DTX2: variants seen among roughly 807,000 people sequenced by gnomAD.
DTX2 encodes the protein deltex E3 ubiquitin ligase 2.
A neutral mutation model predicts 55.3 loss-of-function variants in DTX2; 29 were observed. The ratio of observed to expected loss-of-function variants is 0.52; its 90% CI spans 0.39 to 0.71. The LOEUF (loss-of-function observed/expected upper bound fraction) is 0.71. DTX2 is among the 30% of genes least tolerant of loss of function. The pLI is 0.00. For missense variants in DTX2, 537 were observed against 822.5 expected, an observed-to-expected ratio of 0.65 and a Z score of 4.25; for synonymous variants, 276 against 340.4, an observed-to-expected ratio of 0.81 and a Z score of 2.08.
intron 7 of DTX2, among the ~76,000 whole-genome samples, chr7:76,500,788 C>T (rs1393060858): frequency 2.6e-5 from 4 of 151,940 alleles, no homozygotes; most frequent in Non-Finnish European, 5.9e-5. Flanking sequence ...ATCCTGGGAG[C>T]AGGAATTCCA....
At chr7:76,468,299 A>G (rs1807407842) in intron 2 of DTX2, among the ~76,000 whole-genome samples, 1 of 151,432 alleles carries the variant, frequency 6.6e-6, no homozygotes, top group Admixed American at 6.6e-5. Context: ...AGCCAGAGGC[A>G]GAGCACTCTC....
At chr7:76,467,200 T>C (rs1807281602) in intron 2 of DTX2, among the ~76,000 whole-genome samples, 1 of 147,604 alleles carries the variant, frequency 6.8e-6, no homozygotes. Flanking sequence ...TGCTCGGCAG[T>C]GTTCATCTTT....
At position 76,505,669 on chromosome 7, in the gene DTX2, C is replaced by T; in HGVS notation, c.*68C>T. On this transcript the variant is annotated 3_prime_UTR_variant, in exon 11 of 11. Coordinates refer to ENST00000430490, the MANE Select transcript of DTX2 (RefSeq NM_001102594.3). The surrounding 1 kb of genome is among the most constrained non-coding windows in gnomAD (Gnocchi z 4.4). ...CCCCATGGCTGGCTGGGTGGCCAGG[C>T]AGGAAGTGCCCAGCCCGAGAGGCTG... 2.0e-6 allele frequency: 3 copies of T among 1,473,916 alleles called. No individual in the cohort carries two copies. The highest frequency in any genetic ancestry group is 2.7e-6 in the Non-Finnish European group (3 of 1,095,236). 91.3% of individuals were successfully genotyped at this position (1,473,916 alleles called of 1,614,324 possible). A position where few individuals can be genotyped will look rare whatever the true frequency, so the allele number is the denominator to read the frequency against.
intron 4 of DTX2, among the ~76,000 whole-genome samples, chr7:76,486,895 T>TGCTG (rs1809984778): frequency 2.3e-5 from 1 of 44,422 alleles, no homozygotes; most frequent in Admixed American, 1.8e-4. Flanking sequence ...TGCCCTTGCC[T>TGCTG]CTAAAAGAAC....
rs776334760 is a variant in DTX2 at position 76,505,875 on chromosome 7, G to T, written c.*274G>T. ...GTCCTCTGGGGGCTGCTTCGGGCCC[G>T]CGGTGCTCGGGGCCTGGTGTGGGGC... is the stretch of plus-strand genomic sequence containing the variant. On this transcript the variant is annotated 3_prime_UTR_variant, in exon 11 of 11. Coordinates refer to ENST00000430490, the MANE Select transcript of DTX2 (RefSeq NM_001102594.3). The surrounding 1 kb of genome is among the most constrained non-coding windows in gnomAD (Gnocchi z 4.4). 1.7e-6 allele frequency: 1 copy of T among 573,876 alleles called. No individual in the cohort carries two copies. Among genetic ancestry groups the T allele is most frequent in the South Asian group, 2.1e-5 (1 of 48,698 alleles). The allele number at this position is 573,876 out of a possible 1,614,324, so 35.5% of individuals were successfully genotyped here.
At chr7:76,481,548 C>G (rs990480169) in intron 3 of DTX2, among the ~76,000 whole-genome samples, 2 of 152,060 alleles carry the variant, frequency 1.3e-5, no homozygotes, top group South Asian at 2.1e-4. Flanking sequence ...CGGAGCCATC[C>G]CTTACTCTAA....
chr7:76,498,858 T>TGTG (rs1811261170), intron 6 of DTX2, among the ~76,000 whole-genome samples: 1 of 82,466 alleles, frequency 1.2e-5, no homozygotes. Flanking sequence ...TGTGTGGAGG[T>TGTG]GAGGGTGTGT....
Position 76,505,617 on chromosome 7 carries a change from C to A in DTX2, c.*16C>A, listed in dbSNP as rs376310305. 27 of 1,503,870 alleles carry A rather than the reference C, an allele frequency of 1.8e-5. No individual in the cohort carries two copies. Among genetic ancestry groups the A allele is most frequent in the African/African-American group, 5.5e-5 (4 of 72,864 alleles). 93.2% of individuals were successfully genotyped at this position (1,503,870 alleles called of 1,614,324 possible). A position where few individuals can be genotyped will look rare whatever the true frequency, so the allele number is the denominator to read the frequency against. On this transcript the variant is annotated 3_prime_UTR_variant, in exon 11 of 11. Transcript: ENST00000430490. The surrounding 1 kb of genome is among the most constrained non-coding windows in gnomAD (Gnocchi z 4.4). ...GCAGCAGTGACCTCGCACCCCAGCA[C>A]GCCCGCCTCTGGTGGCCACCCCGCT...
At chr7:76,481,833 G>A (rs1283104203) in intron 3 of DTX2, among the ~76,000 whole-genome samples, 2 of 105,770 alleles carry the variant, frequency 1.9e-5, no homozygotes, top group Non-Finnish European at 4.0e-5. Context: ...TTAAAAGTAT[G>A]GGTTTTTTTT....
At chr7:76,481,407 G>A (rs549173941) in intron 3 of DTX2, among the ~76,000 whole-genome samples, 237 of 152,160 alleles carry the variant, frequency 1.6e-3, no homozygotes, top group Middle Eastern at 0.01. Flanking sequence ...GGCTGGTGTC[G>A]AGCTCCTGAC....
chr7:76,469,360 A>AT (rs67541833), intron 2 of DTX2, among the ~76,000 whole-genome samples: 2,067 of 81,334 alleles, frequency 0.025, 14 homozygotes, highest in Middle Eastern at 0.053. Context: ...TGAAATCTAG[A>AT]TTTTTTTTTT....
In DTX2 at chr7:76,505,612, C is replaced by T; in HGVS notation, c.*11C>T. The T allele has an allele frequency of 4.0e-6, 6 of 1,506,336 alleles. No individual in the cohort carries two copies. Among genetic ancestry groups the T allele is most frequent in the Non-Finnish European group, 4.4e-6 (5 of 1,131,164 alleles). The allele number at this position is 1,506,336 out of a possible 1,614,324, so 93.3% of individuals were successfully genotyped here. ...CTGGAGCAGCAGTGACCTCGCACCC[C>T]AGCACGCCCGCCTCTGGTGGCCACC... is the stretch of plus-strand genomic sequence containing the variant. On this transcript the variant is annotated 3_prime_UTR_variant, in exon 11 of 11. Coordinates refer to ENST00000430490, the MANE Select transcript of DTX2 (RefSeq NM_001102594.3). This position sits in a 1 kb window ranked among gnomAD's most constrained non-coding sequence, Gnocchi z 4.4.
chr7:76,499,716 A>T, intron 6 of DTX2: 1 of 171,420 alleles, frequency 5.8e-6, no homozygotes, highest in East Asian at 1.5e-4. Context: ...CCAGCTCAGG[A>T]GCTTCTTGTC....
intron 7 of DTX2, chr7:76,501,212 G>T: frequency 2.2e-6 from 1 of 445,982 alleles, no homozygotes; most frequent in Non-Finnish European, 4.5e-6. Context: ...TTGGGGGCGG[G>T]TGGAAGGCCA....
chr7:76,489,899 A>AC (rs201730830), intron 4 of DTX2, among the ~76,000 whole-genome samples: 4,051 of 123,600 alleles, frequency 0.033, 576 homozygotes, highest in Admixed American at 0.044. Flanking sequence ...AAAAAAAAAA[A>AC]AACAACAACC....
At chr7:76,481,523 G>C (rs1376544530) in intron 3 of DTX2, among the ~76,000 whole-genome samples, 6 of 152,084 alleles carry the variant, frequency 3.9e-5, no homozygotes, top group Admixed American at 3.9e-4. Flanking sequence ...TGAGAATGAG[G>C]CACCAGTTTC....
Position 76,480,778 on chromosome 7 carries a change from G to T in DTX2, c.268+1G>T, listed in dbSNP as rs910131748. 2.5e-6 allele frequency: 4 copies of T among 1,593,090 alleles called. No homozygotes were observed. The highest frequency in any genetic ancestry group is 3.4e-6 in the Non-Finnish European group (4 of 1,168,910). ...TGGACCCAGTTCCGCCAGGACACCGGTAAGACGCTGTCTGCCTCTCGCACA... is the reference window on the plus strand; with the variant it reads ...TGGACCCAGTTCCGCCAGGACACCGTTAAGACGCTGTCTGCCTCTCGCACA... On this transcript the variant is annotated splice_donor_variant, in intron 3 of 10. Coordinates refer to ENST00000430490, the MANE Select transcript of DTX2 (RefSeq NM_001102594.3). LOFTEE classifies it high-confidence loss of function.
At position 76,503,871 on chromosome 7, in the gene DTX2, G is replaced by A. The variant is rs1476198969; in HGVS notation, c.1551+284G>A. Reference sequence around the variant, plus strand: ...GCCATCTTAGCTGGACTTGTTCTGGGCAGAAGGGCAGGCAGTTCAGTGGGA... The same window carrying A: ...GCCATCTTAGCTGGACTTGTTCTGGACAGAAGGGCAGGCAGTTCAGTGGGA... On this transcript the variant is annotated intron_variant, in intron 9 of 10. Coordinates refer to ENST00000430490, the MANE Select transcript of DTX2 (RefSeq NM_001102594.3). 2.7e-5 allele frequency among the ~76,000 whole-genome samples: 4 copies of A among 149,432 alleles called. No individual in the cohort carries two copies. In the East Asian group the frequency reaches 6.2e-4, roughly 23 times the overall value.
Position 76,482,851 on chromosome 7 carries a change from C to T in DTX2, c.612C>T (p.Gly204=). ...VACSCHQCLS[G]SRTGPVSGRY... ...GCTCTTGCCACCAGTGCCTCAGTGG[C>T]AGCAGAACTGGCCCCGTGTCAGGCC... Residue 204 remains glycine, a synonymous_variant, in exon 4 of 11, where the codon GGC becomes GGT. Transcript: ENST00000430490. The T allele has an allele frequency of 6.2e-7, 1 of 1,613,754 alleles. No individual in the cohort carries two copies. The highest frequency in any genetic ancestry group is 1.7e-5 in the Admixed American group (1 of 60,024).
Sources: gnomAD v4.1 joint callset for allele counts (sites outside exome capture counted in the v4.1 genomes callset) on GRCh38, gnomAD v4.1.1 for gene constraint, Gnocchi (gnomAD v3.1) non-coding constraint, MANE v1.5 for transcripts, NCBI Gene and HGNC (gene_info 2026-07-23, HGNC 2026-07-21) for gene names.